The following CEACAM21 variants were observed in gnomAD, a reference collection of about 807,000 sequenced individuals.
CEACAM21 encodes cell adhesion molecule CEACAM21.
A neutral mutation model predicts 33.2 loss-of-function variants in CEACAM21; 38 were observed. The ratio of observed to expected loss-of-function variants is 1.14; its 90% CI spans 0.88 to 1.50. The LOEUF is 1.50. CEACAM21 is among the 40% of genes most tolerant of loss of function. The pLI is 0.00. For missense variants in CEACAM21, 385 were observed against 364.6 expected, an observed-to-expected ratio of 1.06 and a Z score of -0.46; for synonymous variants, 156 against 143.0, an observed-to-expected ratio of 1.09 and a Z score of -0.65.
intron 2 of CEACAM21, chr19:41,579,128 T>C: frequency 1.5e-6 from 1 of 650,546 alleles, no homozygotes; most frequent in Admixed American, 2.9e-5. Context: ...TTTTCAGGGC[T>C]CCCTGGTCCT....
chr19:41,571,122 C>T (rs2042585887), intron 2 of CEACAM21, among the ~76,000 whole-genome samples: 1 of 152,182 alleles, frequency 6.6e-6, no homozygotes, highest in Non-Finnish European at 1.5e-5. Flanking sequence ...GCTCTGACAA[C>T]CAACAATGTT....
chr19:41,553,318 G>A (rs2041337751), intron 1 of CEACAM21, among the ~76,000 whole-genome samples: 2 of 147,794 alleles, frequency 1.4e-5, no homozygotes, highest in South Asian at 4.3e-4. Context: ...TGGCCAGGCT[G>A]GTCTTGAACT....
chr19:41,559,245 G>T (rs1321903407), intron 1 of CEACAM21, among the ~76,000 whole-genome samples: 6 of 152,186 alleles, frequency 3.9e-5, no homozygotes, highest in African/African-American at 1.4e-4. Context: ...ATGTTTTGTG[G>T]CCACTGTGCT....
chr19:41,573,755 A>G (rs1260140141), upstream of CEACAM21, among the ~76,000 whole-genome samples: 3 of 152,188 alleles, frequency 2.0e-5, no homozygotes, highest in Non-Finnish European at 4.4e-5. Flanking sequence ...ATAGCAACTC[A>G]GAAAAGAAAG....
At chr19:41,558,204 A>T (rs1555785984) in intron 1 of CEACAM21, among the ~76,000 whole-genome samples, 1 of 151,826 alleles carries the variant, frequency 6.6e-6, no homozygotes, top group African/African-American at 2.4e-5. Flanking sequence ...ATTATAAGTC[A>T]TGAGATCTAC....
At chr19:41,583,439 G>A (rs1039551388) in intron 3 of CEACAM21, among the ~76,000 whole-genome samples, 1 of 152,096 alleles carries the variant, frequency 6.6e-6, no homozygotes, top group African/African-American at 2.4e-5. Flanking sequence ...CACATTTTCA[G>A]GTATCTTTAT....
intron 2 of CEACAM21, among the ~76,000 whole-genome samples, chr19:41,565,822 G>A (rs1170873162): frequency 1.3e-5 from 2 of 152,100 alleles, no homozygotes; most frequent in African/African-American, 4.8e-5. Flanking sequence ...AAGAAGATAG[G>A]TGACTAATAA....
upstream of CEACAM21, among the ~76,000 whole-genome samples, chr19:41,572,773 T>A (rs2042694810): frequency 3.3e-5 from 5 of 152,112 alleles, no homozygotes; most frequent in Admixed American, 3.3e-4. Flanking sequence ...TGCCCCCAAC[T>A]GAAACCAGCA....
intron 2 of CEACAM21, among the ~76,000 whole-genome samples, chr19:41,578,353 G>A (rs1282972451): frequency 6.6e-6 from 1 of 151,096 alleles, no homozygotes; most frequent in Non-Finnish European, 1.5e-5. Flanking sequence ...TTTATTTGGA[G>A]CTATTCTGTG....
rs199984746 is a variant in CEACAM21, at chr19:41,577,282, G to A, written c.147G>A (p.Glu49=). The change falls in exon 2 of 7, where the codon GAG becomes GAA. Residue 49 remains glutamate (E), a synonymous_variant. Coordinates refer to ENST00000401445, the MANE Select transcript of CEACAM21 (RefSeq NM_001098506.4). ...ASAPFEVAEG[E]NVHLSVVYLP... is the part of the protein sequence containing the mutation. ...CGCCCTTTGAAGTTGCTGAAGGGGA[G>A]AATGTTCATCTCTCTGTGGTTTATC... 10 of 1,614,164 alleles carry A rather than the reference G, an allele frequency of 6.2e-6. No individual in the cohort carries two copies. In the Admixed American group the frequency reaches 1.3e-4, roughly 22 times the overall value.
upstream of CEACAM21, among the ~76,000 whole-genome samples, chr19:41,571,480 A>G (rs11083628): frequency 0.42 from 64,301 of 151,896 alleles, 17,909 homozygotes; most frequent in African/African-American, 0.8. Flanking sequence ...GTAGACATTG[A>G]AAGAAGAAAA....
intron 3 of CEACAM21, among the ~76,000 whole-genome samples, chr19:41,580,589 G>A (rs79787307): frequency 0.024 from 3,610 of 152,210 alleles, 154 homozygotes; most frequent in African/African-American, 0.082. Context: ...TAGGCTTACC[G>A]GTTTGTAATA....
intron 1 of CEACAM21, among the ~76,000 whole-genome samples, chr19:41,576,698 C>T (rs541064550): frequency 2.0e-5 from 3 of 152,312 alleles, no homozygotes; most frequent in South Asian, 4.1e-4. Context: ...GCCCTGGGAA[C>T]GCTCATGAAC....
chr19:41,577,300 G>T lies in CEACAM21; in HGVS notation c.165G>T (p.Val55=), dbSNP rs2122228277. 1 of 1,614,066 alleles carries T rather than the reference G, an allele frequency of 6.2e-7. No individual in the cohort carries two copies. The highest frequency in any genetic ancestry group is 8.5e-7 in the Non-Finnish European group (1 of 1,179,988). The change falls in exon 2 of 7, where the codon GTG becomes GTT. Residue 55 remains valine, a synonymous_variant. Transcript: ENST00000401445. ...AAGGGGAGAATGTTCATCTCTCTGT[G>T]GTTTATCTGCCCGAGAATCTTTACA... ...VAEGENVHLS[V]VYLPENLYSY...
chr19:41,569,244 CT>C (rs1210319298), intron 2 of CEACAM21, among the ~76,000 whole-genome samples: 1 of 151,418 alleles, frequency 6.6e-6, no homozygotes, highest in Non-Finnish European at 1.5e-5. Context: ...CAGGGTCTCG[CT>C]CTGTTACCTA....
chr19:41,570,965 G>A (rs1413251168), intron 2 of CEACAM21, among the ~76,000 whole-genome samples: 1 of 152,072 alleles, frequency 6.6e-6, no homozygotes, highest in Admixed American at 6.5e-5. Context: ...CAGGTGAGGG[G>A]AAGCTTCAGG....
upstream of CEACAM21, among the ~76,000 whole-genome samples, chr19:41,575,597 C>G (rs1331153266): frequency 6.6e-6 from 1 of 152,194 alleles, no homozygotes; most frequent in Non-Finnish European, 1.5e-5. Context: ...ACAGCAGAAC[C>G]CAGAGCCTCC....
intron 1 of CEACAM21, among the ~76,000 whole-genome samples, chr19:41,561,172 A>G (rs944225504): frequency 1.2e-4 from 19 of 152,192 alleles, no homozygotes; most frequent in African/African-American, 4.1e-4. Flanking sequence ...TGCAATTTTT[A>G]AAACAAACTT....
upstream of CEACAM21, among the ~76,000 whole-genome samples, chr19:41,574,410 C>A (rs1275691701): frequency 2.0e-5 from 3 of 152,094 alleles, no homozygotes; most frequent in Non-Finnish European, 2.9e-5. Flanking sequence ...TGAGAAGACA[C>A]AGAATATGAG....
Sources: gnomAD v4.1 joint callset for allele counts (sites outside exome capture counted in the v4.1 genomes callset) on GRCh38, gnomAD v4.1.1 for gene constraint, MANE v1.5 for transcripts, NCBI Gene and HGNC (gene_info 2026-07-23, HGNC 2026-07-21) for gene names.